NBEAL1: variants seen among roughly 807,000 people sequenced by gnomAD.
The protein encoded by NBEAL1 is neurobeachin-like protein 1.
NBEAL1 carries 273 observed loss-of-function variants against 351.3 expected under a neutral mutation model. That is an observed-to-expected ratio of 0.78 (90% CI 0.70 to 0.86). The LOEUF is 0.86. NBEAL1 is among the 40% of genes least tolerant of loss of function. NBEAL1 has a pLI of 0.00. For synonymous variants in NBEAL1, 1,050 were observed against 1,086.4 expected (o/e 0.97, Z 0.66); for missense variants, 2,961 against 3,201.3 (o/e 0.92, Z 1.81).
Position 203,149,147 on chromosome 2 carries a change from A to G in NBEAL1, c.5461A>G (p.Arg1821Gly), listed in dbSNP as rs1187493162. 4 of 1,582,794 alleles carry G rather than the reference A, an allele frequency of 2.5e-6. No homozygotes were observed. In the East Asian group the frequency reaches 6.7e-5, roughly 27 times the overall value. ...ATGTGAAAGGGGACCTTGGGCTAAAAGGTAAGAGGATATAATTTTATTAAG... is the reference window on the plus strand; with the variant it reads ...ATGTGAAAGGGGACCTTGGGCTAAAGGGTAAGAGGATATAATTTTATTAAG... ...LTCERGPWAK[R>G]KQNPIHWKLA... is the part of the protein sequence containing the mutation. Residue 1821 changes from arginine (R) to glycine (G), a missense_variant and splice_region_variant, in exon 34 of 56, where the codon AGG becomes GGG. Transcript: ENST00000683969.
intron 38 of NBEAL1, among the ~76,000 whole-genome samples, chr2:203,167,790 A>T (rs979448803): frequency 2.0e-5 from 3 of 152,230 alleles, no homozygotes; most frequent in African/African-American, 7.2e-5. Context: ...TGTCTCCACC[A>T]GTAGCTGTGT....
Position 203,209,342 on chromosome 2 carries a change from A to C in NBEAL1, c.7785+20A>C. ...CTCAAGGTATATGACCTTTCATGCA[A>C]TAGAGGTAGACTCCCAATAGCATAT... On this transcript the variant is annotated intron_variant, in intron 53 of 55. Coordinates refer to ENST00000683969, the MANE Select transcript of NBEAL1 (RefSeq NM_001378026.1). The C allele has an allele frequency of 6.3e-7, 1 of 1,588,082 alleles. No individual in the cohort carries two copies. Among genetic ancestry groups the C allele is most frequent in the Non-Finnish European group, 8.6e-7 (1 of 1,159,424 alleles).
intron 7 of NBEAL1, among the ~76,000 whole-genome samples, chr2:203,076,303 C>T (rs1168672318): frequency 4.0e-5 from 6 of 151,678 alleles, no homozygotes; most frequent in Admixed American, 2.0e-4. Context: ...GACAACATTG[C>T]AAAACCCTGT....
chr2:203,024,932 G>T (rs1336735828), intron 2 of NBEAL1, among the ~76,000 whole-genome samples: 1 of 151,646 alleles, frequency 6.6e-6, no homozygotes, highest in Non-Finnish European at 1.5e-5. Flanking sequence ...GTTCTGAAAA[G>T]AATGAAAAAG....
rs1269813777 is a variant in NBEAL1 at position 203,224,317 on chromosome 2, T to A, written c.*6963T>A. The stretch of plus-strand genomic sequence containing the variant: ...AACTATGTGGCTGGTTGGTTCCATT[T>A]AGAAACTCTTAACAGGTATGGCTTT... On this transcript the variant is annotated 3_prime_UTR_variant, in exon 56 of 56. Coordinates refer to ENST00000683969, the MANE Select transcript of NBEAL1 (RefSeq NM_001378026.1). Among the ~76,000 whole-genome samples, 5 of 152,110 alleles carry A rather than the reference T, an allele frequency of 3.3e-5. No homozygotes were observed. Among genetic ancestry groups the A allele is most frequent in the African/African-American group, 1.2e-4 (5 of 41,460 alleles).
intron 6 of NBEAL1, among the ~76,000 whole-genome samples, chr2:203,059,317 G>T (rs148652856): frequency 1.8e-3 from 280 of 152,272 alleles, no homozygotes; most frequent in Middle Eastern, 3.4e-3. Context: ...AATAAATTAT[G>T]CTTCAGTAAC....
At chr2:203,057,550 AAGTATATAAGACCCAC>A in intron 6 of NBEAL1, 97 bp downstream of exon 6, 2 of 978,996 alleles carry the variant, frequency 2.0e-6, no homozygotes, top group Non-Finnish European at 3.0e-6. Context: ...AATTGGAAAG[AAGTATATAAGACCCAC>A]AGATTTAACT....
rs565600988 is a variant in NBEAL1 at position 203,217,195 on chromosome 2, CT to C, written c.8071-50del. 2.1e-4 allele frequency: 274 copies of C among 1,302,192 alleles called. 3 individuals carry two copies. In the East Asian group the frequency reaches 5.7e-3, roughly 27 times the overall value. 80.7% of individuals were successfully genotyped at this position (1,302,192 alleles called of 1,614,324 possible). ...TCTGCAAAATCAGTGTCTTACATAT[CT>C]TTTTTTTAATTTTTTCTTAATATTT... On this transcript the variant is annotated intron_variant, in intron 55 of 55. Coordinates refer to ENST00000683969, the MANE Select transcript of NBEAL1 (RefSeq NM_001378026.1).
rs189318186 is a variant in NBEAL1, at chr2:203,140,894, G to A, written c.4848+2146G>A. Among the ~76,000 whole-genome samples, 823 of 152,038 alleles carry A rather than the reference G, an allele frequency of 5.4e-3. 8 individuals are homozygous for A. Among genetic ancestry groups the A allele is most frequent in the African/African-American group, 0.019 (784 of 41,438 alleles). On this transcript the variant is annotated intron_variant, in intron 31 of 55. Coordinates refer to ENST00000683969, the MANE Select transcript of NBEAL1 (RefSeq NM_001378026.1). Reference sequence around the variant, plus strand: ...TTTGGGAGGATGAGGCATGAGAATCGCTTGAACCCAGGAGTCAGAGGTTGC... The same window carrying A: ...TTTGGGAGGATGAGGCATGAGAATCACTTGAACCCAGGAGTCAGAGGTTGC...
intron 2 of NBEAL1, among the ~76,000 whole-genome samples, chr2:203,033,864 T>A (rs1439241157): frequency 1.3e-5 from 2 of 152,218 alleles, no homozygotes; most frequent in Non-Finnish European, 2.9e-5. Flanking sequence ...TCTCTCTGTC[T>A]GGATTCCTCT....
At chr2:203,085,828 A>G (rs2061952501) in intron 10 of NBEAL1, 2 of 152,234 alleles carry the variant, frequency 1.3e-5, no homozygotes, top group South Asian at 4.1e-4. Flanking sequence ...CTCATAGATG[A>G]AAACTGGTAA....
At chr2:203,216,646 A>G (rs1457237466) in intron 55 of NBEAL1, among the ~76,000 whole-genome samples, 1 of 152,194 alleles carries the variant, frequency 6.6e-6, no homozygotes, top group Middle Eastern at 3.2e-3. Flanking sequence ...TGATGAAATA[A>G]TACATATTTT....
At chr2:203,059,066 G>A (rs1472366657) in intron 6 of NBEAL1, among the ~76,000 whole-genome samples, 2 of 152,108 alleles carry the variant, frequency 1.3e-5, no homozygotes, top group African/African-American at 2.4e-5. Flanking sequence ...CACGATTGCA[G>A]CATTTCATTA....
In NBEAL1 at chr2:203,225,043, A is replaced by C. The variant is rs2105870583; in HGVS notation, c.*7689A>C. Among the ~76,000 whole-genome samples, 1 of 152,290 alleles carries C rather than the reference A, an allele frequency of 6.6e-6. No homozygotes were observed. Among genetic ancestry groups the C allele is most frequent in the Non-Finnish European group, 1.5e-5 (1 of 68,010 alleles). On this transcript the variant is annotated 3_prime_UTR_variant, in exon 56 of 56. Transcript: ENST00000683969. ...ATTTGTTTCTGTATAGCATGATTAA[A>C]GATAATTGAAAATTTTGCACTTATT...
Position 203,218,462 on chromosome 2 carries a change from C to A in NBEAL1, c.*1108C>A, listed in dbSNP as rs940869134. The A allele has an allele frequency of 1.3e-5, 2 of 152,154 alleles. No individual in the cohort carries two copies. Among genetic ancestry groups the A allele is most frequent in the Non-Finnish European group, 2.9e-5 (2 of 68,010 alleles). The allele number at this position is 152,154 out of a possible 1,614,324, so 9.4% of individuals were successfully genotyped here. A position where few individuals can be genotyped will look rare whatever the true frequency, so the allele number is the denominator to read the frequency against. On this transcript the variant is annotated 3_prime_UTR_variant, in exon 56 of 56. Coordinates refer to ENST00000683969, the MANE Select transcript of NBEAL1 (RefSeq NM_001378026.1). ...GAGTTAGGTCAGAGAGCTTTTACAA[C>A]TACCAGTGTTATTAATCTGAGATTT...
chr2:203,070,359 C>CT (rs34588218), intron 7 of NBEAL1, among the ~76,000 whole-genome samples: 10,601 of 92,118 alleles, frequency 0.12, 663 homozygotes, highest in Non-Finnish European at 0.14. Context: ...CTCTCTCTCT[C>CT]TTTTTTTTTT....
At chr2:203,119,424 C>CTTTTTTTTTTTTTTCTTTTTT (rs2062777324) in intron 18 of NBEAL1, among the ~76,000 whole-genome samples, 1 of 66,656 alleles carries the variant, frequency 1.5e-5, no homozygotes, top group Non-Finnish European at 2.6e-5. Context: ...CGGCCTGTTG[C>CTTTTTTTTTTTTTTCTTTTTT]TTTTTTTTTT....
intron 3 of NBEAL1, among the ~76,000 whole-genome samples, chr2:203,048,309 G>T (rs2061264498): frequency 6.6e-6 from 1 of 150,562 alleles, no homozygotes; most frequent in African/African-American, 2.4e-5. Context: ...TTGAATCTAG[G>T]AGGCGGAGGT....
chr2:203,119,302 A>G (rs1460868825), intron 18 of NBEAL1, among the ~76,000 whole-genome samples: 1 of 151,288 alleles, frequency 6.6e-6, no homozygotes, highest in African/African-American at 2.4e-5. Flanking sequence ...GATTTTTTGT[A>G]GAGACAAGGT....
Sources: allele counts gnomAD v4.1 joint callset (sites outside exome capture counted in the v4.1 genomes callset), GRCh38; gene constraint gnomAD v4.1.1; transcripts MANE v1.5; gene names NCBI Gene and HGNC (gene_info 2026-07-23, HGNC 2026-07-21).